The following WDR35 variants were observed in gnomAD, a reference collection of about 807,000 sequenced individuals.
WDR35 encodes the protein WD repeat-containing protein 35.
Under a neutral mutation model 158.3 loss-of-function variants are expected in WDR35, and 118 were observed. The observed-to-expected ratio is 0.75, with a 90% CI of 0.64 to 0.87. The LOEUF is 0.87. Ranked by LOEUF, WDR35 falls within the 40% of genes least tolerant of loss-of-function variation. WDR35 has a pLI of 0.00. For missense variants in WDR35, 1,263 were observed against 1,405.8 expected (o/e 0.90, Z 1.62); for synonymous variants, 448 against 476.1 (o/e 0.94, Z 0.77).
At chr2:19,948,646 A>G (rs913474060) in intron 13 of WDR35, among the ~76,000 whole-genome samples, 21 of 152,334 alleles carry the variant, frequency 1.4e-4, no homozygotes, top group Admixed American at 9.1e-4. Context: ...AACAACCTGG[A>G]CAAGTCTCTA....
In WDR35 at chr2:19,913,204, T is replaced by G. The variant is rs1265332684; in HGVS notation, c.*354A>C. On this transcript the variant is annotated 3_prime_UTR_variant, in exon 27 of 27. Coordinates refer to ENST00000281405, the MANE Select transcript of WDR35 (RefSeq NM_020779.4). ...CCACTCCCATGCTTCCCCCACTCCCTACTCCCTTCAAGATTTTTTAATGAA... is the reference window on the plus strand; with the variant it reads ...CCACTCCCATGCTTCCCCCACTCCCGACTCCCTTCAAGATTTTTTAATGAA... 9.8e-6 allele frequency: 2 copies of G among 203,968 alleles called. No individual in the cohort carries two copies. Among genetic ancestry groups the G allele is most frequent in the Non-Finnish European group, 2.0e-5 (2 of 99,878 alleles). The allele number at this position is 203,968 out of a possible 1,614,324, so 12.6% of individuals were successfully genotyped here. A position where few individuals can be genotyped will look rare whatever the true frequency, so the allele number is the denominator to read the frequency against.
chr2:19,926,078 G>C (rs1031908761), intron 25 of WDR35, among the ~76,000 whole-genome samples: 1 of 152,128 alleles, frequency 6.6e-6, no homozygotes, highest in South Asian at 2.1e-4. Flanking sequence ...TCCAGTTTGC[G>C]TAATTAAGAA....
At chr2:19,981,651 G>A (rs1314295761) in intron 3 of WDR35, among the ~76,000 whole-genome samples, 1 of 152,048 alleles carries the variant, frequency 6.6e-6, no homozygotes. Context: ...CTGAGTACTG[G>A]GGACTACGGG....
intron 23 of WDR35, among the ~76,000 whole-genome samples, chr2:19,932,035 C>A (rs915839226): frequency 2.0e-5 from 3 of 152,056 alleles, no homozygotes; most frequent in African/African-American, 7.2e-5. Flanking sequence ...TCAGTAATTT[C>A]TTTAACTCTT....
intron 25 of WDR35, among the ~76,000 whole-genome samples, chr2:19,928,923 C>T (rs1230307250): frequency 6.6e-6 from 1 of 152,058 alleles, no homozygotes; most frequent in African/African-American, 2.4e-5. Context: ...TCTCCTGCTT[C>T]AGCCTCCCAA....
chr2:19,953,155 A>C (rs180962056), intron 12 of WDR35, among the ~76,000 whole-genome samples: 8 of 152,354 alleles, frequency 5.3e-5, no homozygotes, highest in African/African-American at 1.9e-4. Context: ...GCTTAGAGTA[A>C]CAACAGAAGA....
intron 26 of WDR35, 81 bp from the exon 27 acceptor site, chr2:19,913,789 C>T (rs1270360124): frequency 3.2e-6 from 5 of 1,573,492 alleles, no homozygotes; most frequent in Non-Finnish European, 4.3e-6. Flanking sequence ...TAAAAAAAAC[C>T]TAAAGAATAA....
rs963424525 is a variant in WDR35, at chr2:19,968,518, A to G, written c.1008+962T>C. On this transcript the variant is annotated intron_variant, in intron 9 of 26. Coordinates refer to ENST00000281405, the MANE Select transcript of WDR35 (RefSeq NM_020779.4). ...ACTTTGGGTCACAATAAAATAATACATCATTTATTTTATTATTCAAAGTGC... is the reference window on the plus strand; with the variant it reads ...ACTTTGGGTCACAATAAAATAATACGTCATTTATTTTATTATTCAAAGTGC... Among the ~76,000 whole-genome samples, 3 of 152,316 alleles carry G rather than the reference A, an allele frequency of 2.0e-5. No homozygotes were observed. The East Asian group carries it at 5.8e-4, about 29-fold the overall frequency.
rs1558328979 is a variant in WDR35 at position 19,932,479 on chromosome 2, AAG to A, written c.2659-34_2659-33del. The A allele has an allele frequency of 9.9e-6, 16 of 1,612,252 alleles. No individual in the cohort carries two copies. The Admixed American group carries it at 2.5e-4, about 25-fold the overall frequency. ...GAAAAATTACACCATTCAGTCACCC[AAG>A]TATTTACAGTCACATATATCATAAA... is the stretch of plus-strand genomic sequence containing the variant. On this transcript the variant is annotated intron_variant, in intron 22 of 26. Coordinates refer to ENST00000281405, the MANE Select transcript of WDR35 (RefSeq NM_020779.4).
intron 10 of WDR35, 43 bp from the exon 11 acceptor site, chr2:19,960,657 G>T: frequency 7.1e-7 from 1 of 1,401,286 alleles, no homozygotes; most frequent in Non-Finnish European, 1.0e-6. Context: ...TCCTGCTTAT[G>T]AATAATAAAG....
rs757352876 is a variant in WDR35 at position 19,914,036 on chromosome 2, C to T, written c.3362+1G>A. 1.2e-6 allele frequency: 2 copies of T among 1,613,980 alleles called. No homozygotes were observed. The highest frequency in any genetic ancestry group is 2.2e-5 in the South Asian group (2 of 91,036). On this transcript the variant is annotated splice_donor_variant, in intron 26 of 26. Transcript: ENST00000281405. LOFTEE classifies it high-confidence loss of function. Reference sequence around the variant, plus strand: ...GCATCCACTAATTAAAATTAGCCTACCCTTCCATAAGGCTGTCCAATTCAG... The same window carrying T: ...GCATCCACTAATTAAAATTAGCCTATCCTTCCATAAGGCTGTCCAATTCAG...
chr2:19,948,845 C>T (rs752704266), intron 13 of WDR35, among the ~76,000 whole-genome samples: 16 of 149,016 alleles, frequency 1.1e-4, no homozygotes, highest in Admixed American at 2.0e-4. Flanking sequence ...ACCCAGGAGG[C>T]GGAGGCTGCA....
chr2:19,979,126 CTTCT>C (rs908874172), intron 4 of WDR35, among the ~76,000 whole-genome samples: 3 of 152,080 alleles, frequency 2.0e-5, no homozygotes, highest in African/African-American at 4.8e-5. Flanking sequence ...TCCTTTGTTT[CTTCT>C]TTCTTTCTTT....
At chr2:19,922,654 T>A (rs1670206450) in intron 25 of WDR35, among the ~76,000 whole-genome samples, 1 of 152,084 alleles carries the variant, frequency 6.6e-6, no homozygotes, top group Non-Finnish European at 1.5e-5. Context: ...CACCAACGCA[T>A]GTGTATACCT....
intron 25 of WDR35, among the ~76,000 whole-genome samples, chr2:19,914,699 T>C (rs1558318625): frequency 6.6e-6 from 1 of 152,230 alleles, no homozygotes; most frequent in Non-Finnish European, 1.5e-5. Flanking sequence ...AGCAAAACAA[T>C]ATAAGCAAAA....
In WDR35 at chr2:19,959,255, C is replaced by T. The variant is rs949774188; in HGVS notation, c.1255+1299G>A. ...TTTAGCTTTATTTTAAAAAAACAGT[C>T]TACTTGTGATAAAAATTACTTTGAC... On this transcript the variant is annotated intron_variant, in intron 11 of 26. Coordinates refer to ENST00000281405, the MANE Select transcript of WDR35 (RefSeq NM_020779.4). 5.2e-4 allele frequency among the ~76,000 whole-genome samples: 79 copies of T among 151,742 alleles called. 1 individual carries two copies. Among genetic ancestry groups the T allele is most frequent in the Admixed American group, 9.9e-4 (15 of 15,226 alleles).
chr2:19,982,536 T>TAAAAC lies in WDR35; in HGVS notation c.143-7_143-3dup. Reference sequence around the variant, plus strand: ...CAAGGCCCCTCAATTTTGCATCATCTAAAACAAAACAAAACAAACTACTAT... The same window carrying TAAAAC: ...CAAGGCCCCTCAATTTTGCATCATCTAAAACAAAACAAAACAAAACAAACTACTAT... On this transcript the variant is annotated splice_region_variant and splice_polypyrimidine_tract_variant and intron_variant, in intron 2 of 26. Coordinates refer to ENST00000281405, the MANE Select transcript of WDR35 (RefSeq NM_020779.4). The TAAAAC allele has an allele frequency of 2.5e-6, 4 of 1,613,462 alleles. No individual in the cohort carries two copies. The highest frequency in any genetic ancestry group is 2.2e-5 in the East Asian group (1 of 44,852).
At chr2:19,929,737 T>C (rs927955013) in intron 25 of WDR35, among the ~76,000 whole-genome samples, 1 of 152,184 alleles carries the variant, frequency 6.6e-6, no homozygotes, top group Non-Finnish European at 1.5e-5. Flanking sequence ...GAAAAAACCA[T>C]GCTCCTGCAT....
At chr2:19,974,053 G>C (rs1055527078) in intron 7 of WDR35, among the ~76,000 whole-genome samples, 1 of 151,606 alleles carries the variant, frequency 6.6e-6, no homozygotes, top group Non-Finnish European at 1.5e-5. Context: ...AGCCAAGAAC[G>C]CACCACTGCA....
Sources: allele counts gnomAD v4.1 joint callset (sites outside exome capture counted in the v4.1 genomes callset), GRCh38; gene constraint gnomAD v4.1.1; transcripts MANE v1.5; gene names NCBI Gene and HGNC (gene_info 2026-07-23, HGNC 2026-07-21).